CWF19L2: variants seen among roughly 807,000 people sequenced by gnomAD.
CWF19L2 encodes CWF19 like cell cycle control factor 2, also known as CWF19-like protein 2.
In CWF19L2, 98 loss-of-function variants were observed where a neutral mutation model predicts 111.7. The observed-to-expected ratio is 0.88, with a 90% CI of 0.75 to 1.04. The LOEUF is 1.04. Among genes scored for constraint, CWF19L2 ranks in the 50% least tolerant of loss-of-function variants. The pLI, the probability that CWF19L2 is intolerant of heterozygous loss-of-function variation, is 0.00. For missense variants in CWF19L2, 1,101 were observed against 1,051.4 expected, an observed-to-expected ratio of 1.05 and a Z score of -0.65; for synonymous variants, 351 against 342.9, an observed-to-expected ratio of 1.02 and a Z score of -0.26.
rs1325821138 is a variant in CWF19L2 at position 107,455,831 on chromosome 11, C to A, written c.106-55G>T. The stretch of plus-strand genomic sequence containing the variant: ...TGGCAATTGACCCAACTGGGTTTCA[C>A]AAAAAAAGGAAAACAAAAACCTCTG... On this transcript the variant is annotated intron_variant, in intron 1 of 17. Transcript: ENST00000282251. 4.7e-6 allele frequency: 5 copies of A among 1,065,558 alleles called. No homozygotes were observed. The South Asian group carries it at 7.4e-5, about 16-fold the overall frequency. The allele number at this position is 1,065,558 out of a possible 1,614,324, so 66.0% of individuals were successfully genotyped here. A position where few individuals can be genotyped will look rare whatever the true frequency, so the allele number is the denominator to read the frequency against.
At chr11:107,433,787 G>T (rs1435536613) in intron 6 of CWF19L2, 38 bp from the exon 7 acceptor site, 1 of 957,302 alleles carries the variant, frequency 1.0e-6, no homozygotes. Context: ...TACTTTTAAT[G>T]TGGTTATCAT....
chr11:107,358,437 T>A (rs1374076345), intron 12 of CWF19L2, among the ~76,000 whole-genome samples: 1 of 151,922 alleles, frequency 6.6e-6, no homozygotes, highest in Non-Finnish European at 1.5e-5. Flanking sequence ...CTGGGCCACA[T>A]GTGGCCCACA....
chr11:107,416,275 A>C lies in CWF19L2; in HGVS notation c.1551T>G (p.Val517=), dbSNP rs1861225555. 1 of 1,476,308 alleles carries C rather than the reference A, an allele frequency of 6.8e-7. No homozygotes were observed. The highest frequency in any genetic ancestry group is 2.3e-5 in the Admixed American group (1 of 43,852). 91.5% of individuals were successfully genotyped at this position (1,476,308 alleles called of 1,614,324 possible). The part of the protein sequence containing the change: ...GNMELAEQLK[V]QLEKANKFKE... Reference sequence around the variant, plus strand: ...TGAATTTATTTGCCTTTTCAAGTTGAACTTTAAGTTGTTCAGCTAATTCCT... The same window carrying C: ...TGAATTTATTTGCCTTTTCAAGTTGCACTTTAAGTTGTTCAGCTAATTCCT... The change falls in exon 10 of 18, where the codon GTT becomes GTG. Residue 517 remains valine (V), a synonymous_variant. Coordinates refer to ENST00000282251, the MANE Select transcript of CWF19L2 (RefSeq NM_152434.3).
chr11:107,434,133 A>C (rs1194333873), intron 6 of CWF19L2, among the ~76,000 whole-genome samples: 1 of 151,810 alleles, frequency 6.6e-6, no homozygotes, highest in Admixed American at 6.6e-5. Flanking sequence ...CAAGAAAATG[A>C]GTTGGGTTTC....
chr11:107,378,391 G>C (rs1860627978), intron 12 of CWF19L2, among the ~76,000 whole-genome samples: 1 of 151,468 alleles, frequency 6.6e-6, no homozygotes, highest in African/African-American at 2.4e-5. Context: ...TGATAGACTG[G>C]ATTAAGAAAA....
rs756262024 is a variant in CWF19L2 at position 107,392,838 on chromosome 11, G to C, written c.1675C>G (p.Pro559Ala). The C allele has an allele frequency of 7.5e-6, 12 of 1,594,184 alleles. No individual in the cohort carries two copies. In the South Asian group the frequency reaches 9.1e-5, roughly 12 times the overall value. ...VRTDQSGRVW[P>A]VNTPGKSLES... ...AGAGATTTTCCGGGTGTGTTCACAG[G>C]CCATACTCTTCCAGACTGATCTGTT... Residue 559 changes from proline to alanine, a missense_variant, in exon 11 of 18, where the codon CCT becomes GCT. Physicochemically the swap from Pro to Ala is conservative, Grantham distance 27 (BLOSUM62 -1). Coordinates refer to ENST00000282251, the MANE Select transcript of CWF19L2 (RefSeq NM_152434.3).
chr11:107,370,576 G>A (rs1860493452), intron 12 of CWF19L2, among the ~76,000 whole-genome samples: 1 of 134,178 alleles, frequency 7.5e-6, no homozygotes, highest in Admixed American at 7.3e-5. Context: ...TGCATGGCCT[G>A]GGAAAAGAGA....
At chr11:107,330,175 C>A (rs1229068725) in intron 16 of CWF19L2, among the ~76,000 whole-genome samples, 156 bp from the exon 17 acceptor site, 1 of 152,118 alleles carries the variant, frequency 6.6e-6, no homozygotes, top group Non-Finnish European at 1.5e-5. Flanking sequence ...TAAACAATGA[C>A]CTAACTTTCT....
At chr11:107,417,990 C>G (rs1336258190) in intron 9 of CWF19L2, among the ~76,000 whole-genome samples, 2 of 152,126 alleles carry the variant, frequency 1.3e-5, no homozygotes, top group Non-Finnish European at 2.9e-5. Flanking sequence ...GAACTCCTGA[C>G]CTCAAGTGAT....
At chr11:107,349,172 A>C (rs1860123646) in intron 13 of CWF19L2, 119 bp from the exon 14 acceptor site, 1 of 411,318 alleles carries the variant, frequency 2.4e-6, no homozygotes, top group Non-Finnish European at 4.4e-6. Flanking sequence ...AAAAATGATG[A>C]ATATTTAATG....
chr11:107,365,254 A>T (rs1213602594), intron 12 of CWF19L2, among the ~76,000 whole-genome samples: 2 of 146,868 alleles, frequency 1.4e-5, no homozygotes, highest in African/African-American at 5.2e-5. Context: ...TACAAGGAGG[A>T]ACTGGTACCA....
chr11:107,450,539 CAATCAATCAATA>C (rs1300143050), intron 3 of CWF19L2, among the ~76,000 whole-genome samples: 2 of 151,752 alleles, frequency 1.3e-5, no homozygotes, highest in African/African-American at 2.4e-5. Context: ...AAGACTCTGT[CAATCAATCAATA>C]AATCAATCAA....
chr11:107,381,741 A>G (rs188954411), intron 12 of CWF19L2, among the ~76,000 whole-genome samples: 69 of 152,326 alleles, frequency 4.5e-4, no homozygotes, highest in African/African-American at 1.6e-3. Context: ...TGAGAATAAA[A>G]AAGTAGAGGA....
rs1861416284 is a variant in CWF19L2 at position 107,428,787 on chromosome 11, A to G, written c.1433+12T>C. On this transcript the variant is annotated intron_variant, in intron 8 of 17. Transcript: ENST00000282251. The stretch of plus-strand genomic sequence containing the variant: ...GGATCTTAACTTATTAGGTTAAAAA[A>G]TGATAAAATACCCAGCAAATGTAGA... 5 of 1,582,950 alleles carry G rather than the reference A, an allele frequency of 3.2e-6. No individual in the cohort carries two copies. The highest frequency in any genetic ancestry group is 4.3e-6 in the Non-Finnish European group (5 of 1,166,676).
At chr11:107,402,873 G>GTGTGTGTATATA (rs1247886311) in intron 10 of CWF19L2, among the ~76,000 whole-genome samples, 3 of 94,464 alleles carry the variant, frequency 3.2e-5, no homozygotes, top group East Asian at 3.0e-4. Context: ...ACTGTGGTGT[G>GTGTGTGTATATA]TATATATATA....
chr11:107,436,808 A>G (rs1444449456), intron 6 of CWF19L2, among the ~76,000 whole-genome samples: 1 of 152,208 alleles, frequency 6.6e-6, no homozygotes, highest in Non-Finnish European at 1.5e-5. Context: ...TTCTAGTACT[A>G]CTAACACGAC....
intron 1 of CWF19L2, among the ~76,000 whole-genome samples, chr11:107,457,289 C>A (rs1861868551): frequency 6.6e-6 from 1 of 152,136 alleles, no homozygotes; most frequent in African/African-American, 2.4e-5. Context: ...AAATGTCAAA[C>A]TGAGTCTATT....
chr11:107,345,239 CTTA>C (rs1860062133), intron 14 of CWF19L2, among the ~76,000 whole-genome samples: 1 of 81,464 alleles, frequency 1.2e-5, no homozygotes, highest in African/African-American at 5.6e-5. Context: ...TTTATTGTTA[CTTA>C]CTTCAATATC....
rs573097087 is a variant in CWF19L2 at position 107,349,340 on chromosome 11, A to C, written c.2086-287T>G. Among the ~76,000 whole-genome samples, 20 of 152,326 alleles carry C rather than the reference A, an allele frequency of 1.3e-4. 1 individual carries two copies. In the East Asian group the frequency reaches 3.9e-3, roughly 29 times the overall value. ...GACAACGATTAAGATTAGGCAAAGA[A>C]GAGCAGAATGAATGACACAATATCC... On this transcript the variant is annotated intron_variant, in intron 13 of 17. Transcript: ENST00000282251.
Sources: allele counts gnomAD v4.1 joint callset (sites outside exome capture counted in the v4.1 genomes callset), GRCh38; gene constraint gnomAD v4.1.1; transcripts MANE v1.5; gene names NCBI Gene and HGNC (gene_info 2026-07-23, HGNC 2026-07-21).